SEMA4A: variants seen among roughly 807,000 people sequenced by gnomAD.
SEMA4A encodes semaphorin-4A.
SEMA4A carries 52 observed loss-of-function variants against 72.5 expected under a neutral mutation model. That is an observed-to-expected ratio of 0.72 (90% CI 0.57 to 0.90). The LOEUF is 0.90. Among genes scored for constraint, SEMA4A ranks in the 40% least tolerant of loss-of-function variants. The probability of loss-of-function intolerance (pLI) is 0.00; values close to 1 mark genes in which losing one functional copy is unlikely to be tolerated. For missense variants in SEMA4A, 926 were observed against 959.7 expected, an observed-to-expected ratio of 0.96 and a Z score of 0.46; for synonymous variants, 369 against 393.1, an observed-to-expected ratio of 0.94 and a Z score of 0.73.
Position 156,158,736 on chromosome 1 carries a change from C to T in SEMA4A, c.480C>T (p.Tyr160=). Residue 160 remains tyrosine, a synonymous_variant, in exon 6 of 15, where the codon TAC becomes TAT. Coordinates refer to ENST00000368285, the MANE Select transcript of SEMA4A (RefSeq NM_022367.4). ...ACTFIELQDS[Y]LLPISEDKVM... ...CCATTTAGGAACTTCAAGATTCCTA[C>T]CTGTTGCCCATCTCGGAGGACAAGG... 6.2e-7 allele frequency: 1 copy of T among 1,613,996 alleles called. No homozygotes were observed. Among genetic ancestry groups the T allele is most frequent in the Non-Finnish European group, 8.5e-7 (1 of 1,179,916 alleles).
In SEMA4A at chr1:156,176,441, A is replaced by G. The variant is rs368566308; in HGVS notation, c.1730A>G (p.Glu577Gly). The stretch of plus-strand genomic sequence containing the variant: ...CTGGCTGTCCCCAACTCCATCCTGG[A>G]GCTCCCCTGCCCCCACCTGTCAGCC... Reference protein sequence around the residue: ...EVLAVPNSILELPCPHLSALA... With the variant: ...EVLAVPNSILGLPCPHLSALA... The change falls in exon 15 of 15, where the codon GAG becomes GGG. Residue 577 changes from glutamate to glycine, a missense_variant. Physicochemically the swap from Glu to Gly is moderately conservative, Grantham distance 98. Transcript: ENST00000368285. 6.2e-7 allele frequency: 1 copy of G among 1,613,822 alleles called. No individual in the cohort carries two copies. The highest frequency in any genetic ancestry group is 8.5e-7 in the Non-Finnish European group (1 of 1,180,004).
Position 156,156,557 on chromosome 1 carries a change from C to G in SEMA4A, c.283C>G (p.Pro95Ala), listed in dbSNP as rs774683776. The G allele has an allele frequency of 1.2e-6, 2 of 1,613,914 alleles. No individual in the cohort carries two copies. The highest frequency in any genetic ancestry group is 1.7e-4 in the Middle Eastern group (1 of 6,028). ...LALDIQDPGV[P>A]RLKNMIPWPA... ...CTTGGATATCCAGGATCCAGGGGTC[C>G]CCAGGCTAAAGAACATGGTGAGGAG... The change falls in exon 3 of 15, where the codon CCC (proline) becomes GCC (alanine). Residue 95 changes from proline (P) to alanine (A), a missense_variant. Physicochemically the swap from Pro to Ala is conservative, Grantham distance 27. Transcript: ENST00000368285.
chr1:156,158,330 G>C, intron 4 of SEMA4A, 58 bp from the exon 5 acceptor site: 1 of 1,427,458 alleles, frequency 7.0e-7, no homozygotes, highest in East Asian at 2.3e-5. Flanking sequence ...GGCAGCCTCT[G>C]GGGGTCCAGC....
intron 7 of SEMA4A, 55 bp from the exon 8 acceptor site, chr1:156,160,850 A>G: frequency 3.7e-6 from 6 of 1,611,872 alleles, no homozygotes; most frequent in Non-Finnish European, 5.1e-6. Flanking sequence ...TCACTCAGGC[A>G]AACCCAGGGC....
chr1:156,158,322 C>T (rs911150391), intron 4 of SEMA4A, 66 bp from the exon 5 acceptor site: 5 of 1,369,466 alleles, frequency 3.7e-6, no homozygotes, highest in Non-Finnish European at 5.2e-6. Flanking sequence ...AGTGAGGGGG[C>T]AGCCTCTGGG....
intron 10 of SEMA4A, among the ~76,000 whole-genome samples, chr1:156,170,275 C>G (rs1403612057): frequency 6.6e-6 from 1 of 151,396 alleles, no homozygotes; most frequent in Non-Finnish European, 1.5e-5. Flanking sequence ...ACCACCCTGG[C>G]CAACATGTTG....
intron 9 of SEMA4A, among the ~76,000 whole-genome samples, chr1:156,162,345 C>T (rs1474272064): frequency 6.6e-6 from 1 of 152,224 alleles, no homozygotes; most frequent in East Asian, 1.9e-4. Context: ...CATGGTCTGG[C>T]CCCACAGTGT....
At chr1:156,152,859 C>G (rs917371454), upstream of SEMA4A, among the ~76,000 whole-genome samples, 1 of 152,172 alleles carries the variant, frequency 6.6e-6, no homozygotes, top group Non-Finnish European at 1.5e-5. Flanking sequence ...AACCTGCAGT[C>G]AGCTGACCAT....
intron 10 of SEMA4A, among the ~76,000 whole-genome samples, chr1:156,170,266 C>T (rs1654574125): frequency 6.6e-6 from 1 of 151,554 alleles, no homozygotes; most frequent in South Asian, 2.1e-4. Context: ...GAGTTGGAGA[C>T]CACCCTGGCC....
chr1:156,163,038 G>C lies in SEMA4A; in HGVS notation c.1078G>C (p.Glu360Gln). The change falls in exon 10 of 15, where the codon GAA (glutamate) becomes CAA (glutamine). Residue 360 changes from glutamate to glutamine, a missense_variant. Glu to Gln is a conservative substitution (Grantham distance 29). Transcript: ENST00000368285. ...GGGGAAATACAAAGAGTTGAACAAA[G>C]AAACTTCACGCTGGACTACTTATAG... ...FKGKYKELNK[E>Q]TSRWTTYRGP... 6.2e-7 allele frequency: 1 copy of C among 1,614,168 alleles called. No individual in the cohort carries two copies. Among genetic ancestry groups the C allele is most frequent in the Non-Finnish European group, 8.5e-7 (1 of 1,180,034 alleles).
chr1:156,176,378 C>T, intron 14 of SEMA4A, 27 bp from the exon 15 acceptor site: 2 of 1,536,902 alleles, frequency 1.3e-6, no homozygotes, highest in South Asian at 2.2e-5. Context: ...CTCCCTTAAC[C>T]CTTTTGCTCC....
chr1:156,161,137 G>T, intron 8 of SEMA4A, 108 bp downstream of exon 8: 1 of 1,091,462 alleles, frequency 9.2e-7, no homozygotes, highest in Non-Finnish European at 1.3e-6. Context: ...GAGCGGGGCG[G>T]GGAACAAGCG....
Position 156,161,455 on chromosome 1 carries a change from C to T in SEMA4A, c.920C>T (p.Ala307Val). The change falls in exon 9 of 15, where the codon GCG becomes GTG. Residue 307 changes from alanine (A) to valine (V), a missense_variant. Ala to Val is a moderately conservative substitution (Grantham distance 64, BLOSUM62 0). Coordinates refer to ENST00000368285, the MANE Select transcript of SEMA4A (RefSeq NM_022367.4). The stretch of plus-strand genomic sequence containing the variant: ...CTGCCCTTCAACGTCATCCGCCACG[C>T]GGTCCTGCTCCCCGCCGATTCTCCC... Reference protein sequence around the residue: ...GQLPFNVIRHAVLLPADSPTA... With the variant: ...GQLPFNVIRHVVLLPADSPTA... The T allele has an allele frequency of 6.2e-7, 1 of 1,613,932 alleles. No homozygotes were observed. The highest frequency in any genetic ancestry group is 8.5e-7 in the Non-Finnish European group (1 of 1,179,948).
chr1:156,158,898 G>C, intron 6 of SEMA4A, 74 bp downstream of exon 6: 1 of 1,333,436 alleles, frequency 7.5e-7, no homozygotes, highest in Non-Finnish European at 1.1e-6. Flanking sequence ...GAATATTACA[G>C]AGTTTTCCAA....
At chr1:156,167,176 C>T (rs562212766) in intron 10 of SEMA4A, among the ~76,000 whole-genome samples, 1 of 151,700 alleles carries the variant, frequency 6.6e-6, no homozygotes, top group African/African-American at 2.4e-5. Context: ...CCATGCCTCA[C>T]CTGGGATTGT....
chr1:156,169,592 T>C (rs1238336858), intron 10 of SEMA4A, among the ~76,000 whole-genome samples: 1 of 150,460 alleles, frequency 6.6e-6, no homozygotes, highest in African/African-American at 2.4e-5. Context: ...GCTAATTTTT[T>C]TGTATTTTTA....
At chr1:156,156,831 C>T (rs564854226) in intron 3 of SEMA4A, among the ~76,000 whole-genome samples, 1 of 151,596 alleles carries the variant, frequency 6.6e-6, no homozygotes, top group South Asian at 2.1e-4. Context: ...GCAACCTCCG[C>T]CTCCCAGGTT....
At position 156,154,727 on chromosome 1, in the gene SEMA4A, C is replaced by A. The variant is rs200265374; in HGVS notation, c.139+10C>A. ...GTCAGATACTATGCAGGTAAGTGTC[C>A]GACAGCAGGAAGTGTGGGGATAGCA... On this transcript the variant is annotated intron_variant, in intron 2 of 14. Transcript: ENST00000368285. The A allele has an allele frequency of 5.1e-6, 8 of 1,576,620 alleles. No homozygotes were observed. Among genetic ancestry groups the A allele is most frequent in the Non-Finnish European group, 6.9e-6 (8 of 1,161,326 alleles).
upstream of SEMA4A, among the ~76,000 whole-genome samples, chr1:156,152,607 C>T (rs1652629107): frequency 6.6e-6 from 1 of 152,110 alleles, no homozygotes; most frequent in South Asian, 2.1e-4. Flanking sequence ...GATTGTCAGG[C>T]AGGATATGTC....
Sources: gnomAD v4.1 joint callset for allele counts (sites outside exome capture counted in the v4.1 genomes callset) on GRCh38, gnomAD v4.1.1 for gene constraint, MANE v1.5 for transcripts, NCBI Gene and HGNC (gene_info 2026-07-23, HGNC 2026-07-21) for gene names.